FASLG: variants seen among roughly 807,000 people sequenced by gnomAD.
FASLG encodes the protein tumor necrosis factor ligand superfamily member 6.
Under a neutral mutation model 24.6 loss-of-function variants are expected in FASLG, and 9 were observed. The ratio of observed to expected loss-of-function variants is 0.37; its 90% CI spans 0.22 to 0.64. The LOEUF is 0.64. FASLG is among the 30% of genes least tolerant of loss of function. The pLI is 0.64. For synonymous variants in FASLG, 130 were observed against 135.5 expected (o/e 0.96, Z 0.28); for missense variants, 306 against 345.3 (o/e 0.89, Z 0.90).
chr1:172,663,181 G>T (rs1193619447), intron 2 of FASLG, among the ~76,000 whole-genome samples: 2 of 152,200 alleles, frequency 1.3e-5, no homozygotes, highest in African/African-American at 4.8e-5. Context: ...CAGAGAAATA[G>T]TGTCTGTTTT....
At chr1:172,660,354 T>G (rs1221524221) in intron 2 of FASLG, among the ~76,000 whole-genome samples, 2 of 152,238 alleles carry the variant, frequency 1.3e-5, no homozygotes, top group Non-Finnish European at 2.9e-5. Context: ...AGCTGAGCAC[T>G]GCACACAATT....
intron 3 of FASLG, among the ~76,000 whole-genome samples, chr1:172,665,355 A>C (rs1229193224): frequency 6.6e-6 from 1 of 152,216 alleles, no homozygotes; most frequent in Non-Finnish European, 1.5e-5. Flanking sequence ...TCTTTGTTCC[A>C]GAGAGCAAAT....
intron 2 of FASLG, 28 bp downstream of exon 2, chr1:172,660,168 G>C: frequency 6.2e-7 from 1 of 1,608,802 alleles, no homozygotes; most frequent in South Asian, 1.1e-5. Context: ...TGTACATTGA[G>C]TTCCCAAAGA....
rs779382158 is a variant in FASLG at position 172,659,338 on chromosome 1, C to G, written c.137C>G (p.Pro46Arg). The G allele has an allele frequency of 6.2e-7, 1 of 1,612,824 alleles. No homozygotes were observed. The stretch of plus-strand genomic sequence containing the variant: ...AGAAGGCCTGGTCAAAGGAGGCCAC[C>G]ACCACCACCGCCACCGCCACCACTA... ...VPRRPGQRRP[P>R]PPPPPPPLPP... Residue 46 changes from proline to arginine, a missense_variant, in exon 1 of 4, where the codon CCA (proline) becomes CGA (arginine). Coordinates refer to ENST00000367721, the MANE Select transcript of FASLG (RefSeq NM_000639.3).
chr1:172,665,037 G>A (rs1659229508), intron 3 of FASLG, among the ~76,000 whole-genome samples: 1 of 152,248 alleles, frequency 6.6e-6, no homozygotes, highest in Admixed American at 6.5e-5. Context: ...GGGATGTGAA[G>A]ATGAGTAGCA....
intron 3 of FASLG, among the ~76,000 whole-genome samples, chr1:172,664,681 G>A (rs113997065): frequency 8.1e-4 from 124 of 152,280 alleles, no homozygotes; most frequent in African/African-American, 2.8e-3. Context: ...TTGGGGGATT[G>A]GGGGCACAGA....
At chr1:172,663,113 G>A (rs1039940979) in intron 2 of FASLG, among the ~76,000 whole-genome samples, 17 of 152,316 alleles carry the variant, frequency 1.1e-4, no homozygotes, top group Admixed American at 1.1e-3. Context: ...TGAAGTCTCA[G>A]TTAGCTGAAT....
chr1:172,662,546 A>G (rs1394395432), intron 2 of FASLG, among the ~76,000 whole-genome samples: 3 of 150,452 alleles, frequency 2.0e-5, no homozygotes, highest in Admixed American at 2.0e-4. Flanking sequence ...CAACCTGAGA[A>G]TCTTCTTTAA....
intron 1 of FASLG, 134 bp downstream of exon 1, chr1:172,659,683 A>C: frequency 7.4e-7 from 1 of 1,355,922 alleles, no homozygotes; most frequent in African/African-American, 1.5e-5. Flanking sequence ...TAGTTATTCT[A>C]TTCTATAGAC....
At chr1:172,660,191 C>T in intron 2 of FASLG, 51 bp downstream of exon 2, 1 of 1,557,994 alleles carries the variant, frequency 6.4e-7, no homozygotes, top group Non-Finnish European at 8.9e-7. Context: ...ATCCTCAGCA[C>T]AGAACTATGT....
rs372881693 is a variant in FASLG at position 172,659,560 on chromosome 1, C to T, written c.348+11C>T. On this transcript the variant is annotated intron_variant, in intron 1 of 3. Transcript: ENST00000367721. ...GCAGAACTCCGAGAGGTAAGCCTGC[C>T]GGCAGACTGCTGTGCCCTGGAGGCA... 9 of 1,612,816 alleles carry T rather than the reference C, an allele frequency of 5.6e-6. No individual in the cohort carries two copies. The highest frequency in any genetic ancestry group is 2.7e-5 in the African/African-American group (2 of 74,868).
intron 2 of FASLG, among the ~76,000 whole-genome samples, chr1:172,663,927 T>C (rs1659194607): frequency 6.6e-6 from 1 of 152,174 alleles, no homozygotes; most frequent in African/African-American, 2.4e-5. Flanking sequence ...CCATCTGTGA[T>C]GCTGACTAGC....
chr1:172,665,137 T>G (rs548442271), intron 3 of FASLG, among the ~76,000 whole-genome samples: 1 of 152,236 alleles, frequency 6.6e-6, no homozygotes, highest in South Asian at 2.1e-4. Flanking sequence ...TAGGTTATGT[T>G]CATGATGTTG....
chr1:172,666,835 A>T lies in FASLG; in HGVS notation c.*819A>T, dbSNP rs1310620171. 6.6e-6 allele frequency: 1 copy of T among 152,460 alleles called. No homozygotes were observed. Among genetic ancestry groups the T allele is most frequent in the African/African-American group, 2.4e-5 (1 of 41,454 alleles). The allele number at this position is 152,460 out of a possible 1,614,324, so 9.4% of individuals were successfully genotyped here. On this transcript the variant is annotated 3_prime_UTR_variant, in exon 4 of 4. Coordinates refer to ENST00000367721, the MANE Select transcript of FASLG (RefSeq NM_000639.3). ...TTATGTAGATGTGCATTTTTGTGAA[A>T]TGAAAACATGTAATAAAAAGTATAT...
At position 172,659,183 on chromosome 1, in the gene FASLG, G is replaced by C. The variant is rs1450581457; in HGVS notation, c.-19G>C. On this transcript the variant is annotated 5_prime_UTR_variant, in exon 1 of 4. Coordinates refer to ENST00000367721, the MANE Select transcript of FASLG (RefSeq NM_000639.3). ...GAAGTAAAACCGTTTGCTGGGGCTG[G>C]CCTGACTCACCAGCTGCCATGCAGC... is the stretch of plus-strand genomic sequence containing the variant. 3.7e-6 allele frequency: 6 copies of C among 1,614,074 alleles called. No homozygotes were observed. In the South Asian group the frequency reaches 5.5e-5, roughly 15 times the overall value.
chr1:172,659,641 CTT>C (rs79818565), intron 1 of FASLG, 92 bp downstream of exon 1: 436 of 1,200,532 alleles, frequency 3.6e-4, no homozygotes, highest in African/African-American at 9.5e-4. Flanking sequence ...CTTTTCAATC[CTT>C]TTTTTTTTTT....
chr1:172,659,685 T>C, intron 1 of FASLG, 136 bp downstream of exon 1: 1 of 1,350,810 alleles, frequency 7.4e-7, no homozygotes, highest in Non-Finnish European at 9.8e-7. Flanking sequence ...GTTATTCTAT[T>C]CTATAGACAG....
At position 172,659,273 on chromosome 1, in the gene FASLG, C is replaced by T. The variant is rs182516315; in HGVS notation, c.72C>T (p.Ala24=). 2.5e-6 allele frequency: 4 copies of T among 1,614,152 alleles called. No homozygotes were observed. In the East Asian group the frequency reaches 8.9e-5, roughly 36 times the overall value. Residue 24 remains alanine (A), a synonymous_variant, in exon 1 of 4, where the codon GCC becomes GCT. Coordinates refer to ENST00000367721, the MANE Select transcript of FASLG (RefSeq NM_000639.3). ...ACAGCAGTGCCAGCTCTCCCTGGGC[C>T]CCTCCAGGCACAGTTCTTCCCTGTC... ...WVDSSASSPW[A]PPGTVLPCPT... is the part of the protein sequence containing the mutation.
At chr1:172,661,814 C>T (rs1182567450) in intron 2 of FASLG, among the ~76,000 whole-genome samples, 3 of 151,872 alleles carry the variant, frequency 2.0e-5, no homozygotes, top group Admixed American at 1.3e-4. Context: ...AGTGCCTGTG[C>T]AAACATTAGT....
Sources: gnomAD v4.1 joint callset for allele counts (sites outside exome capture counted in the v4.1 genomes callset) on GRCh38, gnomAD v4.1.1 for gene constraint, MANE v1.5 for transcripts, NCBI Gene and HGNC (gene_info 2026-07-23, HGNC 2026-07-21) for gene names.